Variants in NUGGC observed in about 807,000 individuals in gnomAD.
NUGGC encodes nuclear GTPase, germinal center associated.
A neutral mutation model predicts 92.6 loss-of-function variants in NUGGC; 58 were observed. The ratio of observed to expected loss-of-function variants is 0.63; its 90% CI spans 0.51 to 0.78. NUGGC has a LOEUF of 0.78. NUGGC is among the 30% of genes least tolerant of loss of function. The pLI is 0.00. For synonymous variants in NUGGC, 376 were observed against 366.4 expected (o/e 1.03, Z -0.30); for missense variants, 925 against 964.6 (o/e 0.96, Z 0.54).
chr8:28,030,685 C>T (rs549953041), intron 15 of NUGGC, among the ~76,000 whole-genome samples: 2 of 152,098 alleles, frequency 1.3e-5, no homozygotes, highest in Non-Finnish European at 2.9e-5. Context: ...GCACAGGCAA[C>T]GTCCTGGAAT....
rs75090343 is a variant in NUGGC at position 28,044,803 on chromosome 8, G to A, written c.1446+724C>T. 4.9e-4 allele frequency among the ~76,000 whole-genome samples: 75 copies of A among 152,208 alleles called. No homozygotes were observed. In the East Asian group the frequency reaches 0.014, roughly 27 times the overall value. On this transcript the variant is annotated intron_variant, in intron 12 of 18. Coordinates refer to ENST00000413272, the MANE Select transcript of NUGGC (RefSeq NM_001010906.2). ...TGGTCAGAGATCTATTTTTACACAC[G>A]GTCCAGCAATTGTCTTTGCATATTC...
rs1324169855 is a variant in NUGGC at position 28,041,135 on chromosome 8, G to A, written c.1527C>T (p.Cys509=). ...VELLEKAIAQ[C]FACMEQPLQE... ...GCAGAGGCTGCTCCATGCAGGCGAA[G>A]CACTGTGCGATGGCCTTCTCCAGCA... The change falls in exon 13 of 19, where the codon TGC becomes TGT. Residue 509 remains cysteine (C), a synonymous_variant. Transcript: ENST00000413272. The A allele has an allele frequency of 6.2e-7, 1 of 1,609,890 alleles. No homozygotes were observed. The highest frequency in any genetic ancestry group is 8.5e-7 in the Non-Finnish European group (1 of 1,178,420).
chr8:28,054,971 G>A (rs1810096388), intron 10 of NUGGC, among the ~76,000 whole-genome samples: 1 of 151,766 alleles, frequency 6.6e-6, no homozygotes, highest in African/African-American at 2.4e-5. Flanking sequence ...CAGATCACCT[G>A]AGGTCAGGAG....
At chr8:28,068,167 A>T in intron 5 of NUGGC, 49 bp downstream of exon 5, 1 of 1,149,152 alleles carries the variant, frequency 8.7e-7, no homozygotes, top group Non-Finnish European at 1.3e-6. Flanking sequence ...GGAAGAAAGG[A>T]AGGAAAAAGG....
chr8:28,052,328 T>G (rs1810027988), intron 10 of NUGGC, among the ~76,000 whole-genome samples: 1 of 152,132 alleles, frequency 6.6e-6, no homozygotes, highest in Non-Finnish European at 1.5e-5. Context: ...TGGGCTGAAA[T>G]GTATCCCCCT....
intron 1 of NUGGC, 88 bp from the exon 2 acceptor site, chr8:28,074,544 C>A: frequency 1.2e-6 from 1 of 813,660 alleles, no homozygotes; most frequent in East Asian, 2.7e-5. Flanking sequence ...TCTGCTTGTG[C>A]GGTATTTCTG....
intron 13 of NUGGC, 135 bp from the exon 14 acceptor site, chr8:28,033,832 T>A: frequency 1.2e-6 from 1 of 821,600 alleles, no homozygotes. Flanking sequence ...TTTAAATATA[T>A]GATTAAACTA....
intron 13 of NUGGC, among the ~76,000 whole-genome samples, chr8:28,034,400 T>A (rs922408593): frequency 6.6e-6 from 1 of 152,244 alleles, no homozygotes; most frequent in African/African-American, 2.4e-5. Flanking sequence ...TGTGATTTTT[T>A]AATCAATGAT....
At chr8:28,062,589 T>C (rs1398309109) in intron 7 of NUGGC, among the ~76,000 whole-genome samples, 1 of 152,126 alleles carries the variant, frequency 6.6e-6, no homozygotes, top group Non-Finnish European at 1.5e-5. Flanking sequence ...TGTACTCCAG[T>C]CCAGGCAACA....
intron 13 of NUGGC, among the ~76,000 whole-genome samples, chr8:28,038,815 TG>T (rs1235955470): frequency 6.6e-6 from 1 of 152,140 alleles, no homozygotes; most frequent in Non-Finnish European, 1.5e-5. Flanking sequence ...TAGGCCGGCC[TG>T]GGTTAGATGT....
At chr8:28,050,762 C>G (rs4732811) in intron 10 of NUGGC, among the ~76,000 whole-genome samples, 149,952 of 151,952 alleles carry the variant, frequency 0.99, 74,017 homozygotes, top group Middle Eastern at 1. Context: ...AGTGAGCCAA[C>G]ATTGTGCCAC....
In NUGGC at chr8:28,026,966, A is replaced by T; in HGVS notation, c.2241T>A (p.Leu747=). ...SSQGDGLYKE[L]ADVGSEYKEM... The stretch of plus-strand genomic sequence containing the variant: ...ACAAAGCTTTGGCGTATTTACCTGC[A>T]AGCTCCTTGTAGAGGCCATCCCCCT... The change falls in exon 18 of 19, where the codon CTT becomes CTA. Residue 747 remains leucine (L), a synonymous_variant. Transcript: ENST00000413272. The T allele has an allele frequency of 6.2e-7, 1 of 1,610,936 alleles. No homozygotes were observed.
chr8:28,072,610 G>A (rs1010445862), intron 2 of NUGGC, among the ~76,000 whole-genome samples: 1 of 152,176 alleles, frequency 6.6e-6, no homozygotes, highest in African/African-American at 2.4e-5. Context: ...GAGTTTGGAA[G>A]CTTATTTCTC....
chr8:28,032,357 G>A (rs1809440822), intron 14 of NUGGC, among the ~76,000 whole-genome samples: 1 of 152,178 alleles, frequency 6.6e-6, no homozygotes, highest in Admixed American at 6.6e-5. Context: ...ATGCCAGCGG[G>A]AAGGACAGAG....
At chr8:28,082,374 C>T (rs1218355791) in intron 1 of NUGGC, among the ~76,000 whole-genome samples, 3 of 152,150 alleles carry the variant, frequency 2.0e-5, no homozygotes, top group African/African-American at 4.8e-5. Context: ...TCTAGCGAAA[C>T]GAATTTGAAT....
rs541438569 is a variant in NUGGC at position 28,023,147 on chromosome 8, A to C, written c.*170T>G. On this transcript the variant is annotated 3_prime_UTR_variant, in exon 19 of 19. Transcript: ENST00000413272. The stretch of plus-strand genomic sequence containing the variant: ...CAGCTGCTCTGGAGGCTGAGGCTGG[A>C]GGATCGCTTGAGCCTAGGAGTTCGA... 4.4e-5 allele frequency: 28 copies of C among 630,556 alleles called. No individual in the cohort carries two copies. The highest frequency in any genetic ancestry group is 7.0e-5 in the Non-Finnish European group (27 of 384,344). 39.1% of individuals were successfully genotyped at this position (630,556 alleles called of 1,614,324 possible). A position where few individuals can be genotyped will look rare whatever the true frequency, so the allele number is the denominator to read the frequency against.
At chr8:28,034,881 A>C (rs1809516244) in intron 13 of NUGGC, among the ~76,000 whole-genome samples, 1 of 152,176 alleles carries the variant, frequency 6.6e-6, no homozygotes, top group South Asian at 2.1e-4. Flanking sequence ...GATGAAAAAT[A>C]ATTCATTTTA....
Position 28,041,144 on chromosome 8 carries a change from G to C in NUGGC, c.1518C>G (p.Ile506Met), listed in dbSNP as rs199962003. The change falls in exon 13 of 19, where the codon ATC becomes ATG. Residue 506 changes from isoleucine (I) to methionine (M), a missense_variant. By Grantham distance (10) the Ile-to-Met change is conservative (BLOSUM62 1). Transcript: ENST00000413272. The stretch of plus-strand genomic sequence containing the variant: ...GCTCCATGCAGGCGAAGCACTGTGC[G>C]ATGGCCTTCTCCAGCAGCTCAACCT... ...EEKVELLEKA[I>M]AQCFACMEQP... The C allele has an allele frequency of 8.1e-6, 13 of 1,610,452 alleles. No individual in the cohort carries two copies. Among genetic ancestry groups the C allele is most frequent in the Non-Finnish European group, 1.0e-5 (12 of 1,178,612 alleles).
chr8:28,072,737 C>T (rs77970623), intron 2 of NUGGC, among the ~76,000 whole-genome samples: 3,383 of 152,108 alleles, frequency 0.022, 123 homozygotes, highest in African/African-American at 0.071. Context: ...TTATACCATA[C>T]GAGGGTAGTA....
Sources: allele counts gnomAD v4.1 joint callset (sites outside exome capture counted in the v4.1 genomes callset), GRCh38; gene constraint gnomAD v4.1.1; transcripts MANE v1.5; gene names NCBI Gene and HGNC (gene_info 2026-07-23, HGNC 2026-07-21).